Variants in ZMAT4 observed in about 807,000 individuals in gnomAD.
ZMAT4 encodes zinc finger matrin-type protein 4.
ZMAT4 carries 17 observed loss-of-function variants against 28.7 expected under a neutral mutation model. The observed-to-expected ratio is 0.59, with a 90% CI of 0.41 to 0.89. The LOEUF (loss-of-function observed/expected upper bound fraction) is 0.89, where lower values mean the gene tolerates loss of function less well. Ranked by LOEUF, ZMAT4 falls within the 40% of genes least tolerant of loss-of-function variation. The pLI, the probability that ZMAT4 is intolerant of heterozygous loss-of-function variation, is 0.00. For synonymous variants in ZMAT4, 117 were observed against 109.2 expected (o/e 1.07, Z -0.44); for missense variants, 240 against 283.8 (o/e 0.85, Z 1.11).
rs539904648 is a variant in ZMAT4, at chr8:40,800,571, G to A, written c.102+25004C>T. 1.4e-3 allele frequency among the ~76,000 whole-genome samples: 211 copies of A among 152,022 alleles called. 3 individuals are homozygous for A. The highest frequency in any genetic ancestry group is 4.4e-3 in the Admixed American group (67 of 15,276). On this transcript the variant is annotated intron_variant, in intron 2 of 6. Transcript: ENST00000297737. The stretch of plus-strand genomic sequence containing the variant: ...CACTATCAGTTCTCAAACCACAGTG[G>A]AATTAACCTGGAAATCAATAACAGA...
At chr8:40,837,389 C>G (rs1294119638) in intron 1 of ZMAT4, among the ~76,000 whole-genome samples, 1 of 152,194 alleles carries the variant, frequency 6.6e-6, no homozygotes, top group African/African-American at 2.4e-5. Context: ...CTGGTGCCCA[C>G]TGGACTTTTG....
intron 5 of ZMAT4, among the ~76,000 whole-genome samples, chr8:40,631,210 T>C (rs1325680568): frequency 3.3e-5 from 5 of 152,190 alleles, no homozygotes; most frequent in Non-Finnish European, 7.3e-5. Context: ...TCTCACTCTC[T>C]CGCCCAGGCT....
intron 5 of ZMAT4, among the ~76,000 whole-genome samples, chr8:40,671,715 A>C (rs1808677625): frequency 6.6e-6 from 1 of 152,232 alleles, no homozygotes; most frequent in Non-Finnish European, 1.5e-5. Context: ...TACGTATCTT[A>C]ATAGGGCTGT....
intron 4 of ZMAT4, among the ~76,000 whole-genome samples, chr8:40,686,242 C>T (rs780226128): frequency 6.6e-6 from 1 of 151,912 alleles, no homozygotes; most frequent in African/African-American, 2.4e-5. Flanking sequence ...AGGCGAGGCA[C>T]GATGGCTCAC....
At chr8:40,740,257 A>G (rs1811944047) in intron 3 of ZMAT4, among the ~76,000 whole-genome samples, 1 of 152,140 alleles carries the variant, frequency 6.6e-6, no homozygotes, top group African/African-American at 2.4e-5. Flanking sequence ...ACTCCCACCA[A>G]CATACAAAAG....
chr8:40,618,643 A>T (rs1366310466), intron 5 of ZMAT4, among the ~76,000 whole-genome samples: 1 of 147,000 alleles, frequency 6.8e-6, no homozygotes, highest in Non-Finnish European at 1.5e-5. Context: ...AGTATACTAC[A>T]GTTTTTCTAC....
intron 2 of ZMAT4, among the ~76,000 whole-genome samples, chr8:40,795,328 A>C (rs1355024480): frequency 6.6e-6 from 1 of 152,190 alleles, no homozygotes; most frequent in Non-Finnish European, 1.5e-5. Flanking sequence ...AAAGACACAA[A>C]TACAAACCTC....
intron 6 of ZMAT4, among the ~76,000 whole-genome samples, chr8:40,537,947 G>A (rs956584057): frequency 1.3e-5 from 2 of 152,158 alleles, no homozygotes; most frequent in Non-Finnish European, 2.9e-5. Context: ...GCTAGGCTTT[G>A]GGCATCATCA....
At chr8:40,746,916 A>G (rs1812260180) in intron 3 of ZMAT4, among the ~76,000 whole-genome samples, 1 of 151,992 alleles carries the variant, frequency 6.6e-6, no homozygotes. Context: ...AAGCCTGTGC[A>G]CCCTTCAGAT....
At chr8:40,756,426 TTATATATATATATATATATA>T (rs72008675) in intron 3 of ZMAT4, among the ~76,000 whole-genome samples, 7 of 73,276 alleles carry the variant, frequency 9.6e-5, no homozygotes, top group Admixed American at 7.3e-4. Flanking sequence ...AAATGTTCTT[TTATATATATATATATATATA>T]TATATATATA....
intron 1 of ZMAT4, among the ~76,000 whole-genome samples, chr8:40,830,236 T>C (rs575986670): frequency 1.3e-5 from 2 of 152,324 alleles, no homozygotes; most frequent in South Asian, 4.1e-4. Context: ...GTTTGTTACA[T>C]ATGTATACTG....
chr8:40,601,223 T>C (rs1044352314), intron 5 of ZMAT4, among the ~76,000 whole-genome samples: 8 of 151,986 alleles, frequency 5.3e-5, no homozygotes, highest in African/African-American at 1.9e-4. Context: ...CCAGTATGTG[T>C]CTTTGTAATT....
intron 5 of ZMAT4, among the ~76,000 whole-genome samples, chr8:40,627,533 A>G (rs1331610217): frequency 6.6e-6 from 1 of 152,212 alleles, no homozygotes; most frequent in African/African-American, 2.4e-5. Context: ...AATATTCAAT[A>G]ACATTTATTA....
chr8:40,547,997 T>C (rs1013256786), intron 6 of ZMAT4, among the ~76,000 whole-genome samples: 1 of 152,062 alleles, frequency 6.6e-6, no homozygotes, highest in Non-Finnish European at 1.5e-5. Flanking sequence ...TGGCATGTGG[T>C]TGTCAGGGGA....
intron 3 of ZMAT4, among the ~76,000 whole-genome samples, chr8:40,747,208 TA>T (rs1214629657): frequency 7.9e-5 from 12 of 152,264 alleles, no homozygotes; most frequent in South Asian, 2.1e-4. Flanking sequence ...TTTGGTTTAT[TA>T]AATCATGGTA....
intron 4 of ZMAT4, 43 bp from the exon 5 acceptor site, chr8:40,674,974 A>G: frequency 1.3e-6 from 2 of 1,492,666 alleles, no homozygotes; most frequent in South Asian, 2.3e-5. Context: ...ACGTTAGTCC[A>G]ACACTGAGTC....
At chr8:40,573,715 T>C (rs1804172582) in intron 6 of ZMAT4, among the ~76,000 whole-genome samples, 1 of 152,206 alleles carries the variant, frequency 6.6e-6, no homozygotes, top group South Asian at 2.1e-4. Context: ...TTGAGAACAA[T>C]TTTAAAGCTA....
chr8:40,543,799 T>G (rs1803114456), intron 6 of ZMAT4, among the ~76,000 whole-genome samples: 1 of 152,248 alleles, frequency 6.6e-6, no homozygotes, highest in African/African-American at 2.4e-5. Context: ...CCTTAAAGAC[T>G]ATTTTATACA....
At chr8:40,535,204 A>G (rs1329867046) in intron 6 of ZMAT4, among the ~76,000 whole-genome samples, 1 of 152,166 alleles carries the variant, frequency 6.6e-6, no homozygotes, top group African/African-American at 2.4e-5. Flanking sequence ...GCAGCCTTCT[A>G]GCACAAGCCA....
Sources: allele counts gnomAD v4.1 joint callset (sites outside exome capture counted in the v4.1 genomes callset), GRCh38; gene constraint gnomAD v4.1.1; transcripts MANE v1.5; gene names NCBI Gene and HGNC (gene_info 2026-07-23, HGNC 2026-07-21).